Variants in FAM193A observed in about 807,000 individuals in gnomAD.
FAM193A encodes the protein family with sequence similarity 193 member A.
A neutral mutation model predicts 126.5 loss-of-function variants in FAM193A; 22 were observed. That is an observed-to-expected ratio of 0.17 (90% CI 0.12 to 0.25). The LOEUF (loss-of-function observed/expected upper bound fraction) is 0.25, where lower values mean the gene tolerates loss of function less well. FAM193A is among the 10% of genes least tolerant of loss of function. The pLI is 1.00. For missense variants in FAM193A, 1,675 were observed against 1,672.8 expected (o/e 1.00, Z -0.02); for synonymous variants, 761 against 646.8 (o/e 1.18, Z -2.68).
At chr4:2,553,347 A>C (rs1217683330) in intron 1 of FAM193A, among the ~76,000 whole-genome samples, 1 of 151,500 alleles carries the variant, frequency 6.6e-6, no homozygotes, top group Non-Finnish European at 1.5e-5. Context: ...CCGTCTCTAA[A>C]ATAATTAAGT....
chr4:2,639,729 A>G lies in FAM193A; in HGVS notation c.1039-6A>G. 2 of 1,605,806 alleles carry G rather than the reference A, an allele frequency of 1.2e-6. No individual in the cohort carries two copies. Among genetic ancestry groups the G allele is most frequent in the African/African-American group, 2.7e-5 (2 of 74,592 alleles). ...TTCTGTTTATCTTTTACTTTTTCTT[A>G]ACCAGGAAAATGAACACTTGAAAAA... On this transcript the variant is annotated splice_polypyrimidine_tract_variant and splice_region_variant and intron_variant, in intron 5 of 20. Transcript: ENST00000637812.
At position 2,663,247 on chromosome 4, in the gene FAM193A, A is replaced by G. The variant is rs34782960; in HGVS notation, c.2038A>G (p.Ser680Gly). The G allele has an allele frequency of 6.4e-3, 10,320 of 1,612,630 alleles. 138 individuals carry two copies. Among genetic ancestry groups the G allele is most frequent in the African/African-American group, 0.053 (3,944 of 74,908 alleles). Residue 680 changes from serine (S) to glycine (G), a missense_variant, in exon 12 of 21, where the codon AGC becomes GGC. Transcript: ENST00000637812. ...AAGCAGGAGCCCCAGGACAGAGGAG[A>G]GCAAAGCAGACAGTCCACCCCCATC... ...LGSRSPRTEE[S>G]KADSPPPSYP...
chr4:2,676,708 C>T (rs543363770), intron 13 of FAM193A, among the ~76,000 whole-genome samples: 9 of 152,120 alleles, frequency 5.9e-5, no homozygotes, highest in Middle Eastern at 3.4e-3. Flanking sequence ...TTTGGAAGGC[C>T]GAGGCAGGCG....
intron 2 of FAM193A, among the ~76,000 whole-genome samples, chr4:2,613,990 G>A (rs578166242): frequency 3.3e-5 from 5 of 149,460 alleles, no homozygotes; most frequent in African/African-American, 9.9e-5. Context: ...GACCAGGCTG[G>A]TGTTGAACTC....
At chr4:2,676,767 C>G (rs1292900875) in intron 13 of FAM193A, among the ~76,000 whole-genome samples, 3 of 151,990 alleles carry the variant, frequency 2.0e-5, no homozygotes, top group Non-Finnish European at 4.4e-5. Flanking sequence ...ACAGTGAAAC[C>G]CCGTCTCTAC....
At chr4:2,609,050 C>G (rs982227281) in intron 2 of FAM193A, among the ~76,000 whole-genome samples, 3 of 151,870 alleles carry the variant, frequency 2.0e-5, no homozygotes, top group African/African-American at 7.3e-5. Flanking sequence ...ACCACCACGG[C>G]TGGCTAATTT....
intron 1 of FAM193A, among the ~76,000 whole-genome samples, chr4:2,579,792 GGTT>G (rs1400940846): frequency 3.3e-5 from 5 of 152,276 alleles, no homozygotes; most frequent in Non-Finnish European, 5.9e-5. Flanking sequence ...ATGGTGGTGA[GGTT>G]GTAGAGAAAA....
At position 2,581,141 on chromosome 4, in the gene FAM193A, C is replaced by CAACA. The variant is rs1553889116; in HGVS notation, c.256-14941_256-14940insCAAA. ...AAGACTCCGTCTCAAAAAACAACAA[C>CAACA]AAAAAAAAAACCACTGATTTATTTT... On this transcript the variant is annotated intron_variant, in intron 1 of 20. Coordinates refer to ENST00000637812, the MANE Select transcript of FAM193A (RefSeq NM_001366318.2). Among the ~76,000 whole-genome samples, 38 of 145,472 alleles carry CAACA rather than the reference C, an allele frequency of 2.6e-4. 1 individual carries two copies. The highest frequency in any genetic ancestry group is 2.0e-3 in the South Asian group (9 of 4,534).
At chr4:2,569,523 A>G (rs1388773726) in intron 1 of FAM193A, among the ~76,000 whole-genome samples, 5 of 152,118 alleles carry the variant, frequency 3.3e-5, no homozygotes. Flanking sequence ...TTTTTGAGAC[A>G]GGGTCTTCTC....
At chr4:2,635,828 G>A (rs1053125604) in intron 5 of FAM193A, among the ~76,000 whole-genome samples, 16 of 152,122 alleles carry the variant, frequency 1.1e-4, no homozygotes, top group African/African-American at 9.7e-5. Context: ...GTGAGCCAGC[G>A]CACCCGGCCA....
chr4:2,715,754 G>A (rs1283692979), intron 19 of FAM193A, among the ~76,000 whole-genome samples: 1 of 152,182 alleles, frequency 6.6e-6, no homozygotes, highest in Non-Finnish European at 1.5e-5. Context: ...CAGTCACATG[G>A]GGAGTCTAGG....
upstream of FAM193A, among the ~76,000 whole-genome samples, chr4:2,536,461 G>A (rs1262173095): frequency 1.3e-5 from 2 of 151,604 alleles, no homozygotes; most frequent in Non-Finnish European, 2.9e-5. Flanking sequence ...CTGCTGCACG[G>A]GCAGCACGGA....
rs922528622 is a variant in FAM193A at position 2,596,311 on chromosome 4, C to T, written c.483C>T (p.Gly161=). The change falls in exon 2 of 21, where the codon GGC becomes GGT. Residue 161 remains glycine, a synonymous_variant. Coordinates refer to ENST00000637812, the MANE Select transcript of FAM193A (RefSeq NM_001366318.2). ...RRTVEKEERH[G]GLDQPVSQDF... ...CCGTGGAGAAGGAGGAGAGGCATGG[C>T]GGCCTTGACCAGCCAGTGGTGAGTG... 1.6e-5 allele frequency: 11 copies of T among 702,372 alleles called. No individual in the cohort carries two copies. Among genetic ancestry groups the T allele is most frequent in the Admixed American group, 4.0e-5 (2 of 49,990 alleles). The allele number at this position is 702,372 out of a possible 1,614,324, so 43.5% of individuals were successfully genotyped here.
intron 1 of FAM193A, among the ~76,000 whole-genome samples, chr4:2,566,602 T>C (rs1020295929): frequency 2.6e-5 from 4 of 151,888 alleles, no homozygotes; most frequent in Non-Finnish European, 5.9e-5. Context: ...GGCAGGAGAA[T>C]CACTTGAACC....
At chr4:2,725,930 G>A (rs1335119528) in intron 20 of FAM193A, among the ~76,000 whole-genome samples, 3 of 151,458 alleles carry the variant, frequency 2.0e-5, no homozygotes, top group Non-Finnish European at 4.4e-5. Context: ...ATGGAGTCTC[G>A]CTCTGGCGCC....
intron 1 of FAM193A, among the ~76,000 whole-genome samples, chr4:2,537,975 CACA>C (rs1736990945): frequency 6.6e-6 from 1 of 152,138 alleles, no homozygotes; most frequent in African/African-American, 2.4e-5. Flanking sequence ...AACCGTTGGT[CACA>C]ACATTTCAGA....
At chr4:2,702,788 G>A (rs1180518112) in intron 19 of FAM193A, among the ~76,000 whole-genome samples, 3 of 152,198 alleles carry the variant, frequency 2.0e-5, no homozygotes, top group Non-Finnish European at 2.9e-5. Context: ...CTCCGGGCAT[G>A]CTTTCGGTAT....
intron 2 of FAM193A, among the ~76,000 whole-genome samples, chr4:2,603,841 A>T (rs1261247101): frequency 6.7e-6 from 1 of 149,986 alleles, no homozygotes; most frequent in Non-Finnish European, 1.5e-5. Flanking sequence ...TATCTCTTGA[A>T]TTATTATTAT....
intron 20 of FAM193A, among the ~76,000 whole-genome samples, chr4:2,724,343 A>G (rs1186853565): frequency 6.6e-6 from 1 of 152,128 alleles, no homozygotes; most frequent in Non-Finnish European, 1.5e-5. Flanking sequence ...AAACTAGTCA[A>G]AATCACTTTT....
Sources: allele counts gnomAD v4.1 joint callset (sites outside exome capture counted in the v4.1 genomes callset), GRCh38; gene constraint gnomAD v4.1.1; transcripts MANE v1.5; gene names NCBI Gene and HGNC (gene_info 2026-07-23, HGNC 2026-07-21).